The following KIFAP3 variants were observed in gnomAD, a reference collection of about 807,000 sequenced individuals.
KIFAP3 encodes kinesin-associated protein 3.
A neutral mutation model predicts 106.5 loss-of-function variants in KIFAP3; 68 were observed. The observed-to-expected ratio is 0.64, with a 90% CI of 0.53 to 0.78. The LOEUF is 0.78. Among genes scored for constraint, KIFAP3 ranks in the 30% least tolerant of loss-of-function variants. KIFAP3 has a pLI of 0.00. For missense variants in KIFAP3, 780 were observed against 941.8 expected (o/e 0.83, Z 2.25); for synonymous variants, 320 against 311.5 (o/e 1.03, Z -0.29).
chr1:170,034,028 A>C (rs1318995920), intron 7 of KIFAP3, among the ~76,000 whole-genome samples: 1 of 151,842 alleles, frequency 6.6e-6, no homozygotes, highest in Non-Finnish European at 1.5e-5. Context: ...AGAAGTATAT[A>C]AGCAGCAGTG....
At chr1:169,955,098 G>A (rs1423879163) in intron 18 of KIFAP3, among the ~76,000 whole-genome samples, 4 of 152,118 alleles carry the variant, frequency 2.6e-5, no homozygotes, top group African/African-American at 9.7e-5. Context: ...CAGCTTTGAG[G>A]CCTTTCAAAG....
chr1:170,065,593 G>A lies in KIFAP3; in HGVS notation c.32+8843C>T, dbSNP rs1466065350. ...CATGCCACTGCCCTCCAGCCTGGGC[G>A]ACAGAGCAAGACTCCACCTCAAAAA... On this transcript the variant is annotated intron_variant, in intron 1 of 19. Transcript: ENST00000361580. Among the ~76,000 whole-genome samples, 22 of 115,518 alleles carry A rather than the reference G, an allele frequency of 1.9e-4. No homozygotes were observed. In the Admixed American group the frequency reaches 2.3e-3, roughly 12 times the overall value. 75.8% of individuals were successfully genotyped at this position (115,518 alleles called of 152,430 possible). A position where few individuals can be genotyped will look rare whatever the true frequency, so the allele number is the denominator to read the frequency against.
In KIFAP3 at chr1:170,009,078, T is replaced by C. The variant is rs1668115746; in HGVS notation, c.1183+7384A>G. 2.0e-5 allele frequency among the ~76,000 whole-genome samples: 3 copies of C among 151,638 alleles called. No individual in the cohort carries two copies. The South Asian group carries it at 6.3e-4, about 32-fold the overall frequency. On this transcript the variant is annotated intron_variant, in intron 10 of 19. Transcript: ENST00000361580. ...GTGGGAGGTGAACACTGAGAACACA[T>C]GGACATCACACACCAGGACCTGTCG...
intron 15 of KIFAP3, among the ~76,000 whole-genome samples, chr1:169,978,438 C>T (rs1009724262): frequency 1.3e-4 from 19 of 151,894 alleles, no homozygotes; most frequent in Admixed American, 8.5e-4. Flanking sequence ...ATAATGTTGA[C>T]TTCTCAGGAG....
chr1:170,001,496 C>T (rs1416030533), intron 10 of KIFAP3, among the ~76,000 whole-genome samples: 7 of 152,106 alleles, frequency 4.6e-5, no homozygotes, highest in African/African-American at 1.7e-4. Context: ...CTCACCCTGA[C>T]GGCGAGACAT....
At chr1:170,026,897 A>G (rs796933510) in intron 8 of KIFAP3, among the ~76,000 whole-genome samples, 1 of 152,186 alleles carries the variant, frequency 6.6e-6, no homozygotes, top group Non-Finnish European at 1.5e-5. Flanking sequence ...TAAGATTAAG[A>G]TCCAAAAGGA....
chr1:170,069,849 A>C (rs1393631349), intron 1 of KIFAP3, among the ~76,000 whole-genome samples: 1 of 152,066 alleles, frequency 6.6e-6, no homozygotes, highest in East Asian at 1.9e-4. Flanking sequence ...AAAAATAAAA[A>C]GGCATCCAGA....
intron 10 of KIFAP3, among the ~76,000 whole-genome samples, chr1:170,014,579 T>A (rs1668412366): frequency 1.3e-5 from 2 of 152,304 alleles, no homozygotes; most frequent in African/African-American, 4.8e-5. Context: ...TGAATCCCTA[T>A]ATATCTGTAG....
rs1303778698 is a variant in KIFAP3 at position 170,000,141 on chromosome 1, AGAAATACGAGTTCTGAACAT to A, written c.1184-7906_1184-7887del. Reference sequence around the variant, plus strand: ...TTTTTCATTCACAGTTCAGTCAAGCAGAAATACGAGTTCTGAACATGAGAACTCAAAAGCCAAATTTCCGC... The same window carrying A: ...TTTTTCATTCACAGTTCAGTCAAGCAGAGAACTCAAAAGCCAAATTTCCGC... On this transcript the variant is annotated intron_variant, in intron 10 of 19. Coordinates refer to ENST00000361580, the MANE Select transcript of KIFAP3 (RefSeq NM_014970.4). Among the ~76,000 whole-genome samples the A allele has an allele frequency of 4.6e-5, 7 of 152,140 alleles. No individual in the cohort carries two copies. In the East Asian group the frequency reaches 1.4e-3, roughly 29 times the overall value.
At chr1:169,937,709 C>G (rs1439229831) in intron 19 of KIFAP3, among the ~76,000 whole-genome samples, 1 of 151,746 alleles carries the variant, frequency 6.6e-6, no homozygotes, top group African/African-American at 2.4e-5. Context: ...AAGATACAAC[C>G]AACTTTAAGA....
intron 1 of KIFAP3, among the ~76,000 whole-genome samples, chr1:170,072,688 G>A (rs976597273): frequency 4.8e-4 from 73 of 151,996 alleles, no homozygotes; most frequent in African/African-American, 1.8e-3. Context: ...AAATATAAAA[G>A]TAAAAATATT....
At chr1:170,030,701 T>C (rs1428327391) in intron 8 of KIFAP3, among the ~76,000 whole-genome samples, 2 of 151,822 alleles carry the variant, frequency 1.3e-5, no homozygotes, top group Non-Finnish European at 3.0e-5. Context: ...ATACATACTA[T>C]ATGATTTCAT....
intron 17 of KIFAP3, 134 bp downstream of exon 17, chr1:169,972,379 C>T: frequency 1.8e-6 from 1 of 555,532 alleles, no homozygotes; most frequent in South Asian, 2.3e-5. Flanking sequence ...AATTTAGTAT[C>T]ATTGTATATC....
intron 10 of KIFAP3, among the ~76,000 whole-genome samples, chr1:170,002,080 G>A (rs1454439174): frequency 6.6e-6 from 1 of 152,114 alleles, no homozygotes; most frequent in Non-Finnish European, 1.5e-5. Context: ...AAAGTTTAGA[G>A]TTCAACAGTA....
At chr1:170,074,804 G>T, upstream of KIFAP3, 1 of 1,183,234 alleles carries the variant, frequency 8.5e-7, no homozygotes, top group Non-Finnish European at 1.1e-6. Flanking sequence ...GAGCAGGGAA[G>T]TTTTGGTGCA....
chr1:169,941,359 CTT>C (rs1436578702), intron 19 of KIFAP3, among the ~76,000 whole-genome samples: 1 of 152,166 alleles, frequency 6.6e-6, no homozygotes, highest in African/African-American at 2.4e-5. Flanking sequence ...AGTGGATCCT[CTT>C]TTTATCAGGA....
intron 1 of KIFAP3, among the ~76,000 whole-genome samples, chr1:170,061,834 T>TA (rs1170166950): frequency 6.6e-6 from 1 of 152,032 alleles, no homozygotes; most frequent in Non-Finnish European, 1.5e-5. Context: ...TATGCAGCCA[T>TA]AAAAAAGGAT....
intron 18 of KIFAP3, among the ~76,000 whole-genome samples, 177 bp downstream of exon 18, chr1:169,960,869 A>AG (rs1484889372): frequency 6.6e-6 from 1 of 151,584 alleles, no homozygotes; most frequent in Non-Finnish European, 1.5e-5. Context: ...ACTTGGAAAA[A>AG]AAAATGGTAA....
intron 1 of KIFAP3, among the ~76,000 whole-genome samples, chr1:170,084,552 C>G (rs1435272941): frequency 1.3e-5 from 2 of 152,172 alleles, no homozygotes; most frequent in African/African-American, 4.8e-5. Context: ...GAATAATCCA[C>G]TTATCTTGGA....
Sources: gnomAD v4.1 joint callset for allele counts (sites outside exome capture counted in the v4.1 genomes callset) on GRCh38, gnomAD v4.1.1 for gene constraint, MANE v1.5 for transcripts, NCBI Gene and HGNC (gene_info 2026-07-23, HGNC 2026-07-21) for gene names.